The following DNAH8 variants were observed in gnomAD, a reference collection of about 807,000 sequenced individuals.
DNAH8 encodes the protein dynein axonemal heavy chain 8.
A neutral mutation model predicts 562.1 loss-of-function variants in DNAH8; 382 were observed. The observed-to-expected ratio is 0.68, with a 90% CI of 0.63 to 0.74. DNAH8 has a LOEUF of 0.74. Ranked by LOEUF, DNAH8 falls within the 30% of genes least tolerant of loss-of-function variation. DNAH8 has a pLI of 0.00. For synonymous variants in DNAH8, 1,881 were observed against 1,919.4 expected, an observed-to-expected ratio of 0.98 and a Z score of 0.52; for missense variants, 5,203 against 5,620.4, an observed-to-expected ratio of 0.93 and a Z score of 2.37.
At chr6:38,833,035 A>G (rs542603788) in intron 31 of DNAH8, among the ~76,000 whole-genome samples, 1 of 152,258 alleles carries the variant, frequency 6.6e-6, no homozygotes, top group Admixed American at 6.5e-5. Flanking sequence ...TAACTCTTAG[A>G]GAACCAAAAA....
chr6:38,870,613 A>T, intron 49 of DNAH8, 51 bp downstream of exon 49: 1 of 1,534,364 alleles, frequency 6.5e-7, no homozygotes, highest in African/African-American at 1.4e-5. Flanking sequence ...TGTGTTAAAC[A>T]TTCCTGTCTG....
At chr6:38,983,737 G>A (rs1191415745) in intron 86 of DNAH8, among the ~76,000 whole-genome samples, 1 of 152,188 alleles carries the variant, frequency 6.6e-6, no homozygotes, top group Non-Finnish European at 1.5e-5. Context: ...GATGGCAGAG[G>A]ATTGCATTGA....
chr6:38,966,755 C>G (rs1762995451), intron 82 of DNAH8, among the ~76,000 whole-genome samples: 1 of 152,186 alleles, frequency 6.6e-6, no homozygotes, highest in African/African-American at 2.4e-5. Flanking sequence ...CAGATGCTGT[C>G]TTAGTCTGTT....
intron 83 of DNAH8, chr6:38,972,088 G>A (rs1261486259): frequency 6.5e-6 from 1 of 154,384 alleles, no homozygotes; most frequent in African/African-American, 2.4e-5. Flanking sequence ...ATTTAAGGAT[G>A]CTATGTTTAA....
intron 12 of DNAH8, among the ~76,000 whole-genome samples, chr6:38,773,358 G>C (rs1428621745): frequency 6.6e-6 from 1 of 152,058 alleles, no homozygotes; most frequent in African/African-American, 2.4e-5. Context: ...AAAGATCTTT[G>C]GGGGTGGGTC....
rs148586356 is a variant in DNAH8 at position 38,751,479 on chromosome 6, G to A, written c.1407+890G>A. 2.2e-3 allele frequency among the ~76,000 whole-genome samples: 340 copies of A among 152,266 alleles called. 3 individuals are homozygous for A. Among genetic ancestry groups the A allele is most frequent in the African/African-American group, 8.0e-3 (331 of 41,538 alleles). On this transcript the variant is annotated intron_variant, in intron 9 of 92. Transcript: ENST00000327475. ...CATCACTGGGGCCATCTTTGGGGCT[G>A]CCTATCAAGGTAGATATTTCCCCAT...
At chr6:38,989,189 G>A (rs1400588242) in intron 87 of DNAH8, among the ~76,000 whole-genome samples, 4 of 152,188 alleles carry the variant, frequency 2.6e-5, no homozygotes, top group Non-Finnish European at 5.9e-5. Context: ...CCTCTTTCCT[G>A]TCAAGTGCTC....
intron 79 of DNAH8, among the ~76,000 whole-genome samples, chr6:38,940,092 G>A (rs1190338371): frequency 6.6e-6 from 1 of 152,200 alleles, no homozygotes; most frequent in African/African-American, 2.4e-5. Context: ...AGTTGTGTAA[G>A]GTGGTGACGT....
chr6:38,731,360 T>C (rs1763645640), intron 4 of DNAH8, among the ~76,000 whole-genome samples: 1 of 152,198 alleles, frequency 6.6e-6, no homozygotes, highest in African/African-American at 2.4e-5. Context: ...ATTCTACATA[T>C]TATTCTATAG....
At chr6:38,905,861 G>A (rs945712470) in intron 62 of DNAH8, among the ~76,000 whole-genome samples, 8 of 151,994 alleles carry the variant, frequency 5.3e-5, no homozygotes, top group African/African-American at 1.9e-4. Context: ...CTATTATTAT[G>A]TTTTGGGATA....
chr6:38,915,911 C>T (rs899960214), intron 68 of DNAH8, among the ~76,000 whole-genome samples: 1 of 151,978 alleles, frequency 6.6e-6, no homozygotes, highest in African/African-American at 2.4e-5. Context: ...TGGATATATA[C>T]ACACATATAT....
At position 38,779,985 on chromosome 6, in the gene DNAH8, C is replaced by G; in HGVS notation, c.2059C>G (p.Pro687Ala). 1 of 1,613,946 alleles carries G rather than the reference C, an allele frequency of 6.2e-7. No individual in the cohort carries two copies. The highest frequency in any genetic ancestry group is 8.5e-7 in the Non-Finnish European group (1 of 1,179,960). Residue 687 changes from proline to alanine, a missense_variant, in exon 15 of 93, where the codon CCC becomes GCC. Physicochemically the swap from Pro to Ala is conservative, Grantham distance 27. Transcript: ENST00000327475. ...TTTTAGGTTTCAGAAGCTGAACATT[C>G]CCTGTCTGGGATTAGAAATAAACCA... ...LLQRFQKLNI[P>A]CLGLEINHTI...
At chr6:38,730,951 C>G (rs1763619398) in intron 4 of DNAH8, among the ~76,000 whole-genome samples, 1 of 152,210 alleles carries the variant, frequency 6.6e-6, no homozygotes, top group Admixed American at 6.6e-5. Context: ...GAGCCCTTCC[C>G]AGGGTGTTCC....
intron 82 of DNAH8, among the ~76,000 whole-genome samples, chr6:38,971,225 G>A (rs1395012595): frequency 6.6e-6 from 1 of 152,128 alleles, no homozygotes; most frequent in Admixed American, 6.5e-5. Context: ...AAAACTTACA[G>A]CAAAACTAAA....
At position 38,728,561 on chromosome 6, in the gene DNAH8, G is replaced by A. The variant is rs1227016459; in HGVS notation, c.526-1341G>A. Among the ~76,000 whole-genome samples, 4 of 152,206 alleles carry A rather than the reference G, an allele frequency of 2.6e-5. No homozygotes were observed. The South Asian group carries it at 8.3e-4, about 31-fold the overall frequency. On this transcript the variant is annotated intron_variant, in intron 3 of 92. Transcript: ENST00000327475. ...GATTTCAAAGCTAAAGGGTCAGCAAGAAAGTACTGATGGAGCTGTGCAAGA... is the reference window on the plus strand; with the variant it reads ...GATTTCAAAGCTAAAGGGTCAGCAAAAAAGTACTGATGGAGCTGTGCAAGA...
intron 47 of DNAH8, 45 bp from the exon 48 acceptor site, chr6:38,868,017 A>G (rs1168775991): frequency 1.0e-5 from 16 of 1,584,170 alleles, no homozygotes; most frequent in East Asian, 2.2e-5. Context: ...GTCTATGTTT[A>G]GTTTTTCAAT....
At chr6:38,852,981 TG>T (rs1023265636) in intron 40 of DNAH8, among the ~76,000 whole-genome samples, 183 bp downstream of exon 40, 20 of 152,196 alleles carry the variant, frequency 1.3e-4, no homozygotes, top group Non-Finnish European at 2.1e-4. Context: ...TTGTAATTTA[TG>T]AAGTGAAAGT....
In DNAH8 at chr6:38,973,764, T is replaced by C. The variant is rs1217433728; in HGVS notation, c.12629T>C (p.Val4210Ala). ...TTEASDDSFRVWITTEPHDRF... is the reference protein window; with the variant it reads ...TTEASDDSFRAWITTEPHDRF... ...GAAGCCAGTGATGATTCTTTCCGAG[T>C]ATGGATAACTACGGAGCCCCATGAT... The change falls in exon 84 of 93, where the codon GTA becomes GCA. Residue 4210 changes from valine to alanine, a missense_variant. Val to Ala is a moderately conservative substitution (Grantham distance 64, BLOSUM62 0). This residue lies in a region of DNAH8 where 1,399 missense variants were observed against 1,518.4 expected (regional missense o/e 0.92). Transcript: ENST00000327475. 1 of 1,611,166 alleles carries C rather than the reference T, an allele frequency of 6.2e-7. No individual in the cohort carries two copies. The highest frequency in any genetic ancestry group is 2.2e-5 in the East Asian group (1 of 44,684).
At position 39,024,149 on chromosome 6, in the gene DNAH8, T is replaced by G. The variant is rs552982978; in HGVS notation, c.13715-2397T>G. On this transcript the variant is annotated intron_variant, in intron 91 of 92. Coordinates refer to ENST00000327475, the MANE Select transcript of DNAH8 (RefSeq NM_001206927.2). ...GGCACCTATGACATTGTCTTGGTCATTGTCTAGCCACAAGGAATGAGGTCA... is the reference window on the plus strand; with the variant it reads ...GGCACCTATGACATTGTCTTGGTCAGTGTCTAGCCACAAGGAATGAGGTCA... 2.6e-5 allele frequency among the ~76,000 whole-genome samples: 4 copies of G among 152,362 alleles called. No homozygotes were observed. The East Asian group carries it at 7.7e-4, about 29-fold the overall frequency.
Sources: allele counts gnomAD v4.1 joint callset (sites outside exome capture counted in the v4.1 genomes callset), GRCh38; gene constraint gnomAD v4.1.1; regional missense constraint gnomAD v4.1.1; transcripts MANE v1.5; gene names NCBI Gene and HGNC (gene_info 2026-07-23, HGNC 2026-07-21).